The following DGKH variants were observed in gnomAD, a reference collection of about 807,000 sequenced individuals.
DGKH encodes the protein DAG kinase eta.
DGKH carries 90 observed loss-of-function variants against 159.3 expected under a neutral mutation model. That is an observed-to-expected ratio of 0.57 (90% CI 0.48 to 0.67). DGKH has a LOEUF of 0.67. Among genes scored for constraint, DGKH ranks in the 30% least tolerant of loss-of-function variants. The pLI is 0.00. For missense variants in DGKH, 1,181 were observed against 1,506.1 expected (o/e 0.78, Z 3.57); for synonymous variants, 536 against 553.8 (o/e 0.97, Z 0.45).
rs375934691 is a variant in DGKH at position 42,238,203 on chromosome 13, C to T, written c.*9015C>T. 3 of 152,140 alleles carry T rather than the reference C, an allele frequency of 2.0e-5. No homozygotes were observed. The highest frequency in any genetic ancestry group is 2.1e-4 in the South Asian group (1 of 4,828). 9.4% of individuals were successfully genotyped at this position (152,140 alleles called of 1,614,324 possible). On this transcript the variant is annotated 3_prime_UTR_variant, in exon 30 of 30. Coordinates refer to ENST00000337343, the MANE Select transcript of DGKH (RefSeq NM_178009.5). ...ACCTAATTTTACAATTTCTTTCCCA[C>T]GGTCATTTTGGATATAAAGATAGAC...
intron 1 of DGKH, among the ~76,000 whole-genome samples, chr13:42,104,372 T>A (rs866287188): frequency 2.6e-5 from 4 of 152,182 alleles, no homozygotes; most frequent in African/African-American, 4.8e-5. Context: ...GATAGACCAG[T>A]TTATAAAGGC....
In DGKH at chr13:42,199,794, T is replaced by G; in HGVS notation, c.2397-19T>G. On this transcript the variant is annotated intron_variant, in intron 19 of 29. Transcript: ENST00000337343. ...ATAAATAAAATTTCCTGAAATTGCC[T>G]GCCAATATTTATTTTCAGGAGCCGA... The G allele has an allele frequency of 6.3e-7, 1 of 1,590,688 alleles. No homozygotes were observed. The highest frequency in any genetic ancestry group is 8.5e-7 in the Non-Finnish European group (1 of 1,173,008).
chr13:42,250,365 T>C (rs1958612914), intron 29 of DGKH, among the ~76,000 whole-genome samples: 1 of 152,232 alleles, frequency 6.6e-6, no homozygotes, highest in Admixed American at 6.5e-5. Flanking sequence ...GTATACATTG[T>C]ATAATGATCA....
intron 1 of DGKH, among the ~76,000 whole-genome samples, chr13:42,127,221 T>C (rs1293217305): frequency 6.6e-6 from 1 of 152,188 alleles, no homozygotes; most frequent in African/African-American, 2.4e-5. Context: ...TTAGTGTATG[T>C]GCATGTGTCT....
At chr13:42,226,912 A>G (rs1407784080) in intron 29 of DGKH, among the ~76,000 whole-genome samples, 1 of 152,060 alleles carries the variant, frequency 6.6e-6, no homozygotes, top group East Asian at 1.9e-4. Flanking sequence ...TATATACACC[A>G]TGGAATACTA....
Position 42,168,729 on chromosome 13 carries a change from T to A in DGKH, c.1278T>A (p.Val426=). The A allele has an allele frequency of 6.2e-7, 1 of 1,614,186 alleles. No individual in the cohort carries two copies. Among genetic ancestry groups the A allele is most frequent in the Non-Finnish European group, 8.5e-7 (1 of 1,180,022 alleles). The change falls in exon 11 of 30, where the codon GTT becomes GTA. Residue 426 remains valine (V), a synonymous_variant. Coordinates refer to ENST00000337343, the MANE Select transcript of DGKH (RefSeq NM_178009.5). The part of the protein sequence containing the change: ...PLGTGNDLAR[V]LGWGGSYDDD... Reference sequence around the variant, plus strand: ...GTACAGGAAATGACCTTGCCCGAGTTCTTGGCTGGGGAGGTTCATATGACG... The same window carrying A: ...GTACAGGAAATGACCTTGCCCGAGTACTTGGCTGGGGAGGTTCATATGACG...
At chr13:42,155,551 G>A in intron 4 of DGKH, 116 bp from the exon 5 acceptor site, 1 of 1,553,292 alleles carries the variant, frequency 6.4e-7, no homozygotes, top group Non-Finnish European at 8.8e-7. Context: ...AAAGTGCTTT[G>A]GTTTTAAAAA....
intron 1 of DGKH, among the ~76,000 whole-genome samples, chr13:42,083,566 A>G (rs1182533395): frequency 1.3e-5 from 2 of 152,224 alleles, no homozygotes; most frequent in African/African-American, 2.4e-5. Context: ...TAGGCGTGGA[A>G]GTACCTTCCC....
In DGKH at chr13:42,094,149, A is replaced by G. The variant is rs143214413; in HGVS notation, c.193-33314A>G. Among the ~76,000 whole-genome samples the G allele has an allele frequency of 4.4e-3, 674 of 151,518 alleles. 18 individuals carry two copies. In the East Asian group the frequency reaches 0.074, roughly 17 times the overall value. On this transcript the variant is annotated intron_variant, in intron 1 of 29. Transcript: ENST00000337343. ...GGGGGGAGGGGGGAGGGATAGCATT[A>G]GGAGATATTCCTAATGTTAAATGAT...
rs552954759 is a variant in DGKH at position 42,098,500 on chromosome 13, A to T, written c.193-28963A>T. Among the ~76,000 whole-genome samples, 172 of 151,702 alleles carry T rather than the reference A, an allele frequency of 1.1e-3. 2 individuals carry two copies. The highest frequency in any genetic ancestry group is 0.01 in the Middle Eastern group (3 of 294). On this transcript the variant is annotated intron_variant, in intron 1 of 29. Coordinates refer to ENST00000337343, the MANE Select transcript of DGKH (RefSeq NM_178009.5). ...AGACTCTGTCTCAAAAAAAAAAAAT[A>T]AATTAATACTTAAAAGTTTGTTAAT...
chr13:42,239,075 C>G lies in DGKH; in HGVS notation c.*9887C>G, dbSNP rs570476313. ...GATGATAGATCTCTGAATGATTAATCCAGAATGATTTGGTACAGTGACTGG... is the reference window on the plus strand; with the variant it reads ...GATGATAGATCTCTGAATGATTAATGCAGAATGATTTGGTACAGTGACTGG... On this transcript the variant is annotated 3_prime_UTR_variant, in exon 30 of 30. Coordinates refer to ENST00000337343, the MANE Select transcript of DGKH (RefSeq NM_178009.5). 14 of 152,152 alleles carry G rather than the reference C, an allele frequency of 9.2e-5. No homozygotes were observed. Among genetic ancestry groups the G allele is most frequent in the African/African-American group, 3.1e-4 (13 of 41,528 alleles). 9.4% of individuals were successfully genotyped at this position (152,152 alleles called of 1,614,324 possible).
At chr13:42,088,223 T>TG (rs1954346746) in intron 1 of DGKH, among the ~76,000 whole-genome samples, 1 of 152,092 alleles carries the variant, frequency 6.6e-6, no homozygotes, top group Non-Finnish European at 1.5e-5. Context: ...AAACAAAAAC[T>TG]GTGAGAATTT....
At chr13:42,051,884 C>T (rs1040185418) in intron 1 of DGKH, among the ~76,000 whole-genome samples, 13 of 152,064 alleles carry the variant, frequency 8.5e-5, no homozygotes, top group Non-Finnish European at 1.5e-4. Context: ...AGGCTGGTCT[C>T]GAACTCCCGA....
intron 1 of DGKH, among the ~76,000 whole-genome samples, chr13:42,088,107 T>C (rs1008263114): frequency 2.9e-4 from 44 of 152,068 alleles, no homozygotes; most frequent in African/African-American, 1.0e-3. Flanking sequence ...TAGAAGACAA[T>C]AGAGCGACAG....
chr13:42,049,908 GT>G (rs1355477206), intron 1 of DGKH, among the ~76,000 whole-genome samples: 2 of 152,214 alleles, frequency 1.3e-5, no homozygotes, highest in African/African-American at 4.8e-5. Context: ...GAGAGAGTCT[GT>G]TATCAGTAGG....
chr13:42,075,462 C>T (rs1295567949), intron 1 of DGKH, among the ~76,000 whole-genome samples: 4 of 152,148 alleles, frequency 2.6e-5, no homozygotes, highest in African/African-American at 7.2e-5. Flanking sequence ...GGCGCAACTT[C>T]CACTATCATT....
chr13:42,207,133 C>T lies in DGKH; in HGVS notation c.2601+987C>T, dbSNP rs1566192617. On this transcript the variant is annotated intron_variant, in intron 21 of 29. Coordinates refer to ENST00000337343, the MANE Select transcript of DGKH (RefSeq NM_178009.5). ...TCTTTCTCTTTCTCTCTCCTTCCTT[C>T]CTTCCTTCCTTCCTTCCTTCCTTCC... is the stretch of plus-strand genomic sequence containing the variant. Among the ~76,000 whole-genome samples the T allele has an allele frequency of 6.8e-3, 198 of 29,266 alleles. 18 individuals are homozygous for T. The highest frequency in any genetic ancestry group is 9.3e-3 in the Non-Finnish European group (138 of 14,892). 19.2% of individuals were successfully genotyped at this position (29,266 alleles called of 152,430 possible).
At chr13:42,098,380 G>A (rs184681175) in intron 1 of DGKH, among the ~76,000 whole-genome samples, 192 of 152,166 alleles carry the variant, frequency 1.3e-3, no homozygotes, top group African/African-American at 4.2e-3. Context: ...CCAGCTACTC[G>A]GGAGGCTGAG....
intron 1 of DGKH, among the ~76,000 whole-genome samples, chr13:42,118,912 T>C (rs1249350155): frequency 6.6e-6 from 1 of 152,188 alleles, no homozygotes; most frequent in African/African-American, 2.4e-5. Flanking sequence ...TTATTTACAT[T>C]TCCTTAAAAC....
Sources: gnomAD v4.1 joint callset for allele counts (sites outside exome capture counted in the v4.1 genomes callset) on GRCh38, gnomAD v4.1.1 for gene constraint, MANE v1.5 for transcripts, NCBI Gene and HGNC (gene_info 2026-07-23, HGNC 2026-07-21) for gene names.